MTUS2: variants seen among roughly 807,000 people sequenced by gnomAD.
The protein encoded by MTUS2 is microtubule associated scaffold protein 2, also known as microtubule-associated tumor suppressor candidate 2.
Under a neutral mutation model 114.1 loss-of-function variants are expected in MTUS2, and 40 were observed. That is an observed-to-expected ratio of 0.35 (90% confidence interval 0.27 to 0.46). The LOEUF (loss-of-function observed/expected upper bound fraction) is 0.46. Among genes scored for constraint, MTUS2 ranks in the 20% least tolerant of loss-of-function variants. The pLI, the probability that MTUS2 is intolerant of heterozygous loss-of-function variation, is 1.00. For missense variants in MTUS2, 1,679 were observed against 1,705.4 expected (o/e 0.98, Z 0.27); for synonymous variants, 688 against 672.0 (o/e 1.02, Z -0.37).
intron 5 of MTUS2, among the ~76,000 whole-genome samples, chr13:29,212,623 C>G (rs1268547268): frequency 1.3e-5 from 2 of 152,178 alleles, no homozygotes; most frequent in Non-Finnish European, 2.9e-5. Context: ...TAACAGCTCA[C>G]AGAACTCAGG....
At chr13:28,832,887 AAAG>A (rs1874802268) in intron 1 of MTUS2, among the ~76,000 whole-genome samples, 1 of 151,898 alleles carries the variant, frequency 6.6e-6, no homozygotes, top group Admixed American at 6.6e-5. Context: ...AATCAGAATA[AAAG>A]AAGGAGAATC....
chr13:29,406,147 A>G (rs553296945), intron 8 of MTUS2, among the ~76,000 whole-genome samples: 6 of 152,318 alleles, frequency 3.9e-5, no homozygotes, highest in African/African-American at 1.2e-4. Flanking sequence ...GCACCTCTCC[A>G]TGATCCTGTG....
At chr13:29,367,628 A>G (rs559957802) in intron 8 of MTUS2, among the ~76,000 whole-genome samples, 1 of 152,246 alleles carries the variant, frequency 6.6e-6, no homozygotes, top group South Asian at 2.1e-4. Flanking sequence ...GTCCCGATGG[A>G]AAGGAGAGGG....
chr13:28,836,490 G>T (rs1309843416), intron 1 of MTUS2, among the ~76,000 whole-genome samples: 1 of 152,182 alleles, frequency 6.6e-6, no homozygotes. Flanking sequence ...ATCATAGTCT[G>T]TTTCTACATA....
intron 8 of MTUS2, among the ~76,000 whole-genome samples, chr13:29,376,179 A>C (rs116605635): frequency 0.015 from 2,304 of 152,264 alleles, 65 homozygotes; most frequent in African/African-American, 0.052. Flanking sequence ...TTCTTTCCCT[A>C]TTGAGTTCTT....
At chr13:28,874,485 A>G (rs756810884) in intron 2 of MTUS2, among the ~76,000 whole-genome samples, 1 of 152,138 alleles carries the variant, frequency 6.6e-6, no homozygotes, top group East Asian at 1.9e-4. Flanking sequence ...TCTCTCAGAC[A>G]GTTGTAAACA....
intron 5 of MTUS2, among the ~76,000 whole-genome samples, chr13:29,280,112 G>A (rs113555676): frequency 6.0e-4 from 92 of 152,270 alleles, no homozygotes; most frequent in African/African-American, 2.2e-3. Flanking sequence ...TTCTAGCACT[G>A]GACTGGTGCA....
At chr13:29,471,924 A>G (rs1880346322) in intron 9 of MTUS2, among the ~76,000 whole-genome samples, 1 of 152,214 alleles carries the variant, frequency 6.6e-6, no homozygotes, top group African/African-American at 2.4e-5. Context: ...TCACAGCGCC[A>G]GCTCCCTTTT....
intron 2 of MTUS2, among the ~76,000 whole-genome samples, chr13:28,930,942 G>A (rs1490376017): frequency 6.6e-6 from 1 of 152,196 alleles, no homozygotes; most frequent in Non-Finnish European, 1.5e-5. Context: ...TTTTATAGCT[G>A]TTTGTTTTAG....
intron 2 of MTUS2, among the ~76,000 whole-genome samples, chr13:28,919,244 T>C (rs772407874): frequency 2.0e-5 from 3 of 152,180 alleles, no homozygotes; most frequent in Non-Finnish European, 4.4e-5. Context: ...GCATTTCTTA[T>C]AGGACAAGTG....
intron 6 of MTUS2, among the ~76,000 whole-genome samples, chr13:29,304,808 T>A (rs975342929): frequency 6.6e-6 from 1 of 152,160 alleles, no homozygotes; most frequent in African/African-American, 2.4e-5. Context: ...TCTACAGAAC[T>A]GTCCACTCAA....
At chr13:29,415,036 T>C (rs1349606278) in intron 8 of MTUS2, among the ~76,000 whole-genome samples, 1 of 151,610 alleles carries the variant, frequency 6.6e-6, no homozygotes, top group African/African-American at 2.4e-5. Flanking sequence ...TCAGTTTGCA[T>C]TTTCCCTTTC....
chr13:29,226,534 G>T (rs1316311400), intron 5 of MTUS2, among the ~76,000 whole-genome samples: 1 of 151,942 alleles, frequency 6.6e-6, no homozygotes, highest in Admixed American at 6.6e-5. Context: ...CCCAAAACAG[G>T]ACCTGTATTT....
intron 1 of MTUS2, among the ~76,000 whole-genome samples, chr13:28,825,629 G>C (rs986596213): frequency 6.6e-6 from 1 of 152,138 alleles, no homozygotes; most frequent in Non-Finnish European, 1.5e-5. Flanking sequence ...CCATGGAGAA[G>C]GTGAAGAAAC....
In MTUS2 at chr13:29,025,698, T is replaced by C. The variant is rs1485446643; in HGVS notation, c.1000T>C (p.Cys334Arg). The C allele has an allele frequency of 7.4e-6, 12 of 1,613,818 alleles. No individual in the cohort carries two copies. In the African/African-American group the frequency reaches 1.1e-4, roughly 14 times the overall value. The change falls in exon 3 of 16, where the codon TGC becomes CGC. Residue 334 changes from cysteine to arginine, a missense_variant. By Grantham distance (180) the Cys-to-Arg change is radical (BLOSUM62 -3). Transcript: ENST00000612955. ...GKAAQEGYLG[C>R]HKEENLSALE... ...GGCAGCCCAGGAAGGGTATCTGGGATGCCACAAGGAAGAGAATCTGTCAGC... is the reference window on the plus strand; with the variant it reads ...GGCAGCCCAGGAAGGGTATCTGGGACGCCACAAGGAAGAGAATCTGTCAGC...
At chr13:29,005,589 A>G (rs1885568223) in intron 2 of MTUS2, among the ~76,000 whole-genome samples, 1 of 152,230 alleles carries the variant, frequency 6.6e-6, no homozygotes, top group Non-Finnish European at 1.5e-5. Flanking sequence ...ATGGAAAGGC[A>G]TTAAGTGCTG....
chr13:29,483,434 G>A (rs1328510697), intron 10 of MTUS2, among the ~76,000 whole-genome samples: 1 of 152,218 alleles, frequency 6.6e-6, no homozygotes, highest in Non-Finnish European at 1.5e-5. Context: ...CACGGCATGT[G>A]CTCCGGCTAC....
At chr13:29,157,286 T>C (rs1892901513) in intron 5 of MTUS2, among the ~76,000 whole-genome samples, 1 of 152,204 alleles carries the variant, frequency 6.6e-6, no homozygotes, top group Non-Finnish European at 1.5e-5. Context: ...GTTAGCAAAA[T>C]GCCGTCAAAG....
chr13:28,988,669 T>TA (rs1048363266), intron 2 of MTUS2, among the ~76,000 whole-genome samples: 13 of 152,348 alleles, frequency 8.5e-5, no homozygotes, highest in African/African-American at 2.9e-4. Flanking sequence ...TCAGAAAATG[T>TA]AATTATCCCT....
Sources: gnomAD v4.1 joint callset for allele counts (sites outside exome capture counted in the v4.1 genomes callset) on GRCh38, gnomAD v4.1.1 for gene constraint, MANE v1.5 for transcripts, NCBI Gene and HGNC (gene_info 2026-07-23, HGNC 2026-07-21) for gene names.